ATAD1: variants seen among roughly 807,000 people sequenced by gnomAD.
The protein encoded by ATAD1 is ATPase family AAA domain containing 1.
In ATAD1, 18 loss-of-function variants were observed where a neutral mutation model predicts 42.7. That is an observed-to-expected ratio of 0.42 (90% CI 0.29 to 0.63). The LOEUF (loss-of-function observed/expected upper bound fraction) is 0.63, where lower values mean the gene tolerates loss of function less well. ATAD1 is among the 20% of genes least tolerant of loss of function. ATAD1 has a pLI of 0.19. For synonymous variants in ATAD1, 132 were observed against 143.1 expected, an observed-to-expected ratio of 0.92 and a Z score of 0.55; for missense variants, 294 against 440.4, an observed-to-expected ratio of 0.67 and a Z score of 2.98.
intron 5 of ATAD1, among the ~76,000 whole-genome samples, chr10:87,778,178 T>TAAAAAAAAAAAAAAAAAAAAAAAA (rs377243162): frequency 1.1e-5 from 1 of 88,762 alleles, no homozygotes; most frequent in Non-Finnish European, 2.3e-5. Flanking sequence ...TAGAATAAAT[T>TAAAAAAAAAAAAAAAAAAAAAAAA]AAAAAAAAAA....
intron 1 of ATAD1, chr10:87,817,947 G>A (rs961369328): frequency 1.0e-4 from 103 of 985,530 alleles, no homozygotes; most frequent in Non-Finnish European, 1.1e-4. Flanking sequence ...TAAGGGCCCA[G>A]GCCGGGCCGG....
chr10:87,801,871 C>A (rs1421202042), intron 2 of ATAD1, among the ~76,000 whole-genome samples: 3 of 152,178 alleles, frequency 2.0e-5, no homozygotes, highest in Non-Finnish European at 2.9e-5. Context: ...CCATGAATAT[C>A]AAACAGAACA....
At chr10:87,841,034 A>G (rs1329928913) in intron 1 of ATAD1, among the ~76,000 whole-genome samples, 2 of 152,190 alleles carry the variant, frequency 1.3e-5, no homozygotes, top group African/African-American at 2.4e-5. Flanking sequence ...ACAAAGGTAC[A>G]AAGATTTACC....
rs753102552 is a variant in ATAD1 at position 87,780,114 on chromosome 10, T to C, written c.584-3687A>G. 2.0e-5 allele frequency among the ~76,000 whole-genome samples: 3 copies of C among 152,088 alleles called. No individual in the cohort carries two copies. In the East Asian group the frequency reaches 5.8e-4, roughly 29 times the overall value. ...AACTAACTGTGGTACATCTACATAA[T>C]AGAATATTATTTAGCAATAAAAATA... On this transcript the variant is annotated intron_variant, in intron 5 of 9. Coordinates refer to ENST00000680024, the MANE Select transcript of ATAD1 (RefSeq NM_001321967.2).
At chr10:87,800,441 T>C (rs1470348184) in intron 2 of ATAD1, among the ~76,000 whole-genome samples, 2 of 152,144 alleles carry the variant, frequency 1.3e-5, no homozygotes, top group Non-Finnish European at 2.9e-5. Flanking sequence ...ATGCTAACAA[T>C]GTTTTCATGA....
chr10:87,759,987 A>C (rs547476421), intron 8 of ATAD1, among the ~76,000 whole-genome samples: 3 of 152,202 alleles, frequency 2.0e-5, no homozygotes, highest in Non-Finnish European at 4.4e-5. Flanking sequence ...CAAGTTAAAA[A>C]GCTTTTGAGT....
At chr10:87,762,641 T>C (rs181610144) in intron 8 of ATAD1, among the ~76,000 whole-genome samples, 32 of 151,992 alleles carry the variant, frequency 2.1e-4, no homozygotes, top group Non-Finnish European at 2.9e-5. Context: ...ATTTTTTTTG[T>C]ATTTTTAGTA....
intron 2 of ATAD1, among the ~76,000 whole-genome samples, chr10:87,802,951 A>C (rs1407587636): frequency 6.6e-6 from 1 of 151,970 alleles, no homozygotes; most frequent in Non-Finnish European, 1.5e-5. Flanking sequence ...ATTTTTCCTA[A>C]TTTGGAGTCA....
chr10:87,839,786 G>A (rs1857997773), intron 1 of ATAD1, among the ~76,000 whole-genome samples: 1 of 146,336 alleles, frequency 6.8e-6, no homozygotes, highest in Admixed American at 7.0e-5. Flanking sequence ...TTATATCTGT[G>A]AACCTGGATG....
chr10:87,832,426 G>C (rs937478108), intron 1 of ATAD1, among the ~76,000 whole-genome samples: 2 of 150,954 alleles, frequency 1.3e-5, no homozygotes, highest in Non-Finnish European at 2.9e-5. Context: ...GCAGTGGGCC[G>C]TGTTTGTGTG....
At chr10:87,814,367 C>T in intron 2 of ATAD1, 71 bp downstream of exon 2, 1 of 1,432,616 alleles carries the variant, frequency 7.0e-7, no homozygotes, top group Non-Finnish European at 9.3e-7. Flanking sequence ...TGAACTCTAC[C>T]AAATTTTTAG....
At chr10:87,825,743 C>T (rs1346999914) in intron 1 of ATAD1, among the ~76,000 whole-genome samples, 1 of 151,638 alleles carries the variant, frequency 6.6e-6, no homozygotes, top group Non-Finnish European at 1.5e-5. Context: ...GCTCTGTTGC[C>T]CAGGTTGGAG....
chr10:87,759,318 G>A (rs536634388), intron 8 of ATAD1, among the ~76,000 whole-genome samples: 1 of 152,062 alleles, frequency 6.6e-6, no homozygotes, highest in Admixed American at 6.5e-5. Context: ...GGTGATAATG[G>A]GAAGTGGCCA....
chr10:87,833,464 T>C (rs1857871384), intron 1 of ATAD1, among the ~76,000 whole-genome samples: 1 of 152,206 alleles, frequency 6.6e-6, no homozygotes, highest in Non-Finnish European at 1.5e-5. Context: ...GTCTTTTATC[T>C]TCTTGCCTTA....
intron 5 of ATAD1, among the ~76,000 whole-genome samples, chr10:87,783,410 C>T (rs1045728836): frequency 1.3e-5 from 2 of 151,664 alleles, no homozygotes; most frequent in African/African-American, 4.8e-5. Context: ...CTATATATTC[C>T]TCTGTTCAAG....
intron 2 of ATAD1, among the ~76,000 whole-genome samples, chr10:87,800,645 C>A (rs1196131459): frequency 6.6e-6 from 1 of 152,046 alleles, no homozygotes; most frequent in African/African-American, 2.4e-5. Flanking sequence ...TATTAACATT[C>A]ATGTATCTTT....
chr10:87,837,302 T>C (rs913589470), intron 1 of ATAD1, among the ~76,000 whole-genome samples: 1 of 152,230 alleles, frequency 6.6e-6, no homozygotes, highest in Non-Finnish European at 1.5e-5. Context: ...TGGTGGGTAA[T>C]AGATCTGTTT....
rs1220540160 is a variant in ATAD1 at position 87,751,978 on chromosome 10, C to T, written c.*2709G>A. On this transcript the variant is annotated 3_prime_UTR_variant, in exon 10 of 10. Transcript: ENST00000680024. ...CACCATTTTTACACAAGCACACTCA[C>T]GGCTTGAGACATCCTCATCTAGCAT... 1.3e-5 allele frequency: 2 copies of T among 152,134 alleles called. No individual in the cohort carries two copies. Among genetic ancestry groups the T allele is most frequent in the Admixed American group, 1.3e-4 (2 of 15,272 alleles). 9.4% of individuals were successfully genotyped at this position (152,134 alleles called of 1,614,324 possible). A position where few individuals can be genotyped will look rare whatever the true frequency, so the allele number is the denominator to read the frequency against.
At position 87,756,805 on chromosome 10, in the gene ATAD1, A is replaced by T. The variant is rs1442133962; in HGVS notation, c.949T>A (p.Ser317Thr). Residue 317 changes from serine to threonine, a missense_variant, in exon 9 of 10, where the codon TCT becomes ACT. By Grantham distance (58) the Ser-to-Thr change is moderately conservative. Transcript: ENST00000680024. ...ATAACATACCTTTCTTCTGATGTAG[A>T]ATTAACATATTCTCTAACACAGAGG... Reference protein sequence around the residue: ...ALLCVREYVNSTSEESHDEDE... With the variant: ...ALLCVREYVNTTSEESHDEDE... 6.2e-7 allele frequency: 1 copy of T among 1,604,782 alleles called. No individual in the cohort carries two copies. Among genetic ancestry groups the T allele is most frequent in the Non-Finnish European group, 8.5e-7 (1 of 1,176,488 alleles).
Sources: allele counts gnomAD v4.1 joint callset (sites outside exome capture counted in the v4.1 genomes callset), GRCh38; gene constraint gnomAD v4.1.1; transcripts MANE v1.5; gene names NCBI Gene and HGNC (gene_info 2026-07-23, HGNC 2026-07-21).